Variants in EYS observed in about 807,000 individuals in gnomAD.
EYS encodes protein eyes shut homolog.
EYS carries 250 observed loss-of-function variants against 282.1 expected under a neutral mutation model. The ratio of observed to expected loss-of-function variants is 0.89; its 90% CI spans 0.80 to 0.98. The LOEUF is 0.98. Ranked by LOEUF, EYS falls within the 50% of genes least tolerant of loss-of-function variation. The pLI is 0.00. For missense variants in EYS, 4,016 were observed against 3,709.0 expected, an observed-to-expected ratio of 1.08 and a Z score of -2.15; for synonymous variants, 1,355 against 1,282.9, an observed-to-expected ratio of 1.06 and a Z score of -1.20.
intron 5 of EYS, among the ~76,000 whole-genome samples, chr6:65,414,071 G>A (rs1299365972): frequency 6.6e-6 from 1 of 152,060 alleles, no homozygotes; most frequent in Non-Finnish European, 1.5e-5. Context: ...CCCCACAATA[G>A]ATTCTCAATA....
At chr6:65,584,041 T>G (rs1764957105) in intron 2 of EYS, among the ~76,000 whole-genome samples, 1 of 151,412 alleles carries the variant, frequency 6.6e-6, no homozygotes, top group Non-Finnish European at 1.5e-5. Flanking sequence ...TAAGGGTGAA[T>G]AGGAAATATA....
At chr6:63,826,544 C>G (rs181552420) in intron 36 of EYS, among the ~76,000 whole-genome samples, 43 of 152,328 alleles carry the variant, frequency 2.8e-4, no homozygotes, top group Admixed American at 2.7e-3. Context: ...CAGCAGACTT[C>G]TCAGCAGAAA....
intron 31 of EYS, among the ~76,000 whole-genome samples, chr6:64,143,212 G>C (rs1027994128): frequency 2.6e-5 from 4 of 151,984 alleles, no homozygotes; most frequent in African/African-American, 9.7e-5. Flanking sequence ...TTAAGGCAGG[G>C]AAACTACTCT....
At chr6:64,690,733 A>G (rs1770350428) in intron 22 of EYS, among the ~76,000 whole-genome samples, 1 of 152,188 alleles carries the variant, frequency 6.6e-6, no homozygotes, top group South Asian at 2.1e-4. Context: ...GCAAGGACAG[A>G]AAACCAAACA....
At chr6:63,928,828 C>T (rs1404085378) in intron 35 of EYS, among the ~76,000 whole-genome samples, 4 of 152,146 alleles carry the variant, frequency 2.6e-5, no homozygotes, top group Non-Finnish European at 5.9e-5. Flanking sequence ...TACACAATTA[C>T]CAAAACCCAC....
At chr6:63,976,094 T>C (rs1345010406) in intron 35 of EYS, among the ~76,000 whole-genome samples, 2 of 151,928 alleles carry the variant, frequency 1.3e-5, no homozygotes, top group African/African-American at 4.8e-5. Context: ...AAAAATACAG[T>C]ATAAAAGACA....
chr6:64,075,799 T>C (rs1279176438), intron 32 of EYS, among the ~76,000 whole-genome samples: 1 of 151,986 alleles, frequency 6.6e-6, no homozygotes, highest in Non-Finnish European at 1.5e-5. Context: ...AGGTTATATG[T>C]ATCTCTCATT....
intron 12 of EYS, among the ~76,000 whole-genome samples, chr6:65,104,237 T>C (rs1183148655): frequency 6.6e-6 from 1 of 151,534 alleles, no homozygotes; most frequent in Non-Finnish European, 1.5e-5. Flanking sequence ...TTTCTGAATG[T>C]TACTTATGAA....
intron 22 of EYS, among the ~76,000 whole-genome samples, chr6:64,772,933 G>T (rs1773566909): frequency 6.6e-6 from 1 of 151,720 alleles, no homozygotes; most frequent in Non-Finnish European, 1.5e-5. Context: ...TAGTTCATTA[G>T]GTTATGTGGA....
chr6:63,766,386 C>T (rs1280509812), intron 40 of EYS, among the ~76,000 whole-genome samples: 2 of 151,990 alleles, frequency 1.3e-5, no homozygotes, highest in African/African-American at 2.4e-5. Context: ...AGGCCCCAAA[C>T]AGTTCTTGGT....
chr6:64,821,562 C>G, intron 21 of EYS, 83 bp downstream of exon 21: 1 of 690,110 alleles, frequency 1.4e-6, no homozygotes. Context: ...GAAGAAATGA[C>G]TCTGAAACCT....
intron 41 of EYS, among the ~76,000 whole-genome samples, chr6:63,732,172 T>C (rs1768799050): frequency 6.6e-6 from 1 of 152,016 alleles, no homozygotes; most frequent in African/African-American, 2.4e-5. Flanking sequence ...AACTCGTGCT[T>C]TTCCAAAGAA....
intron 2 of EYS, among the ~76,000 whole-genome samples, chr6:65,621,899 G>T (rs1474562803): frequency 6.6e-6 from 1 of 152,118 alleles, no homozygotes; most frequent in Admixed American, 6.6e-5. Flanking sequence ...AGTTAAGTGA[G>T]TTAATTAACA....
In EYS at chr6:64,399,237, C is replaced by G. The variant is rs531254477; in HGVS notation, c.5928-10397G>C. Among the ~76,000 whole-genome samples, 6 of 151,694 alleles carry G rather than the reference C, an allele frequency of 4.0e-5. No individual in the cohort carries two copies. The East Asian group carries it at 1.2e-3, about 29-fold the overall frequency. On this transcript the variant is annotated intron_variant, in intron 28 of 42. Coordinates refer to ENST00000503581, the MANE Select transcript of EYS (RefSeq NM_001142800.2). The stretch of plus-strand genomic sequence containing the variant: ...ACAATATATATGAACTCTATGTTTT[C>G]TTTCCTTACTATACAAGCAATATAA...
At chr6:64,173,419 G>A (rs1172238729) in intron 31 of EYS, among the ~76,000 whole-genome samples, 7 of 152,164 alleles carry the variant, frequency 4.6e-5, no homozygotes, top group Admixed American at 2.6e-4. Context: ...TGGTCCAGAA[G>A]CTGGTAGGAA....
intron 31 of EYS, among the ~76,000 whole-genome samples, chr6:64,220,518 A>G (rs1353966542): frequency 6.6e-6 from 1 of 152,170 alleles, no homozygotes; most frequent in Non-Finnish European, 1.5e-5. Flanking sequence ...TCCCTTAGCT[A>G]AACTGGACAG....
intron 35 of EYS, among the ~76,000 whole-genome samples, chr6:63,978,061 A>T (rs1766923381): frequency 6.6e-6 from 1 of 151,988 alleles, no homozygotes; most frequent in Non-Finnish European, 1.5e-5. Context: ...TATTCCAGTA[A>T]GGGAAAATAA....
chr6:64,462,796 TAC>T (rs1441716850), intron 26 of EYS, among the ~76,000 whole-genome samples: 2 of 152,072 alleles, frequency 1.3e-5, no homozygotes, highest in Non-Finnish European at 2.9e-5. Context: ...CAGGAGGGAG[TAC>T]AGGTAAATCT....
Position 64,592,000 on chromosome 6 carries a change from G to GA in EYS, c.3878-12dup, listed in dbSNP as rs1213884472. 6 of 1,445,676 alleles carry GA rather than the reference G, an allele frequency of 4.2e-6. No individual in the cohort carries two copies. In the Admixed American group the frequency reaches 1.2e-4, roughly 28 times the overall value. 89.6% of individuals were successfully genotyped at this position (1,445,676 alleles called of 1,614,324 possible). A position where few individuals can be genotyped will look rare whatever the true frequency, so the allele number is the denominator to read the frequency against. ...CTGTCTGTTTTGGACCTACAAAAAG[G>GA]AAAAAAGCCAAAAAGGTTAGAAAAA... On this transcript the variant is annotated splice_polypyrimidine_tract_variant and intron_variant, in intron 25 of 42. Coordinates refer to ENST00000503581, the MANE Select transcript of EYS (RefSeq NM_001142800.2).
Sources: gnomAD v4.1 joint callset for allele counts (sites outside exome capture counted in the v4.1 genomes callset) on GRCh38, gnomAD v4.1.1 for gene constraint, MANE v1.5 for transcripts, NCBI Gene and HGNC (gene_info 2026-07-23, HGNC 2026-07-21) for gene names.